Variants in TTC7A observed in about 807,000 individuals in gnomAD.
The protein encoded by TTC7A is tetratricopeptide repeat protein 7A.
A neutral mutation model predicts 103.7 loss-of-function variants in TTC7A; 110 were observed. The ratio of observed to expected loss-of-function variants is 1.06; its 90% confidence interval spans 0.91 to 1.24. The LOEUF is 1.24. Among genes scored for constraint, TTC7A ranks in the 50% most tolerant of loss-of-function variants. TTC7A has a pLI of 0.00. For missense variants in TTC7A, 1,340 were observed against 1,116.3 expected (o/e 1.20, Z -2.86); for synonymous variants, 521 against 467.9 (o/e 1.11, Z -1.47).
At chr2:46,974,439 G>A (rs935915669) in intron 3 of TTC7A, among the ~76,000 whole-genome samples, 3 of 152,210 alleles carry the variant, frequency 2.0e-5, no homozygotes, top group Non-Finnish European at 2.9e-5. Flanking sequence ...TTCCCTCTCA[G>A]TCACACTTTA....
intron 2 of TTC7A, among the ~76,000 whole-genome samples, chr2:46,922,166 T>A (rs1023800218): frequency 6.6e-6 from 1 of 152,106 alleles, no homozygotes; most frequent in Non-Finnish European, 1.5e-5. Flanking sequence ...TAGTTACTTA[T>A]AGATTCTGAT....
At chr2:47,053,135 T>C (rs1349351299) in intron 18 of TTC7A, among the ~76,000 whole-genome samples, 1 of 152,086 alleles carries the variant, frequency 6.6e-6, no homozygotes, top group Non-Finnish European at 1.5e-5. Context: ...ATGCAGAAAC[T>C]GTCCCAGTTA....
At chr2:46,995,025 T>G in intron 7 of TTC7A, 111 bp from the exon 8 acceptor site, 1 of 953,352 alleles carries the variant, frequency 1.0e-6, no homozygotes. Flanking sequence ...CAGGAAGAGG[T>G]CACCTTACCG....
At chr2:46,942,343 G>T (rs1360835965) in intron 1 of TTC7A, among the ~76,000 whole-genome samples, 2 of 152,102 alleles carry the variant, frequency 1.3e-5, no homozygotes, top group African/African-American at 2.4e-5. Context: ...CCCTGATGTG[G>T]CAGCGGGGAA....
At chr2:47,066,525 C>T (rs1033824316) in intron 19 of TTC7A, among the ~76,000 whole-genome samples, 1 of 152,136 alleles carries the variant, frequency 6.6e-6, no homozygotes, top group African/African-American at 2.4e-5. Flanking sequence ...CAGAGCTTCA[C>T]CCATCACCCC....
At chr2:47,069,943 C>T (rs2570515) in intron 19 of TTC7A, among the ~76,000 whole-genome samples, 107,571 of 151,880 alleles carry the variant, frequency 0.71, 38,573 homozygotes, top group East Asian at 0.87. Context: ...GGAATGTGCC[C>T]TGAGCTCAGA....
rs1442104443 is a variant in TTC7A at position 46,975,016 on chromosome 2, C to A, written c.561C>A (p.Phe187Leu). 6.2e-7 allele frequency: 1 copy of A among 1,614,002 alleles called. No homozygotes were observed. Among genetic ancestry groups the A allele is most frequent in the African/African-American group, 1.3e-5 (1 of 74,940 alleles). ...TACCCAACTCCATCGCCTCCCGCTT[C>A]CGCCTGACAGAGAGGGAGGAGGAAG... ...ERLPNSIASRFRLTEREEEVI... is the reference protein window; with the variant it reads ...ERLPNSIASRLRLTEREEEVI... Residue 187 changes from phenylalanine (F) to leucine (L), a missense_variant, in exon 4 of 20, where the codon TTC becomes TTA. Coordinates refer to ENST00000319190, the MANE Select transcript of TTC7A (RefSeq NM_020458.4).
At chr2:46,950,303 C>T (rs1025674129) in intron 1 of TTC7A, 60 bp from the exon 2 acceptor site, 92 of 1,595,276 alleles carry the variant, frequency 5.8e-5, no homozygotes, top group Non-Finnish European at 7.6e-5. Flanking sequence ...GAGTGTGCAA[C>T]TCCCTCCATT....
chr2:47,031,469 C>T (rs1008019812), intron 15 of TTC7A, among the ~76,000 whole-genome samples: 7 of 152,078 alleles, frequency 4.6e-5, no homozygotes, highest in African/African-American at 1.2e-4. Context: ...TAGGCTTCAT[C>T]GGAAACCGAA....
chr2:47,056,269 A>G (rs1417865822), intron 18 of TTC7A, among the ~76,000 whole-genome samples: 1 of 152,244 alleles, frequency 6.6e-6, no homozygotes, highest in East Asian at 1.9e-4. Flanking sequence ...TCTGATGCTT[A>G]TTTCCTTTGG....
intron 5 of TTC7A, among the ~76,000 whole-genome samples, chr2:46,979,790 T>C (rs1674255189): frequency 6.6e-6 from 1 of 152,236 alleles, no homozygotes; most frequent in African/African-American, 2.4e-5. Flanking sequence ...GTTTCCTGCC[T>C]GTCTCTGCAG....
chr2:47,050,158 ACCACT>A, intron 17 of TTC7A, 112 bp downstream of exon 17: 2 of 910,986 alleles, frequency 2.2e-6, no homozygotes, highest in Non-Finnish European at 3.5e-6. Flanking sequence ...GGCCAAGCCC[ACCACT>A]GGCTCCTTGC....
intron 14 of TTC7A, among the ~76,000 whole-genome samples, chr2:47,026,008 C>T (rs532612903): frequency 2.0e-5 from 3 of 152,314 alleles, no homozygotes; most frequent in South Asian, 2.1e-4. Flanking sequence ...GTTATTCATC[C>T]CTCTCTGATG....
At chr2:47,018,581 C>T (rs1471367493) in intron 11 of TTC7A, among the ~76,000 whole-genome samples, 4 of 107,750 alleles carry the variant, frequency 3.7e-5, no homozygotes, top group Non-Finnish European at 7.1e-5. Flanking sequence ...GAGACTCCAT[C>T]TCAAAAAAAA....
intron 19 of TTC7A, chr2:47,068,579 G>T (rs910775400): frequency 6.6e-6 from 1 of 152,022 alleles, no homozygotes; most frequent in Non-Finnish European, 1.5e-5. Context: ...TAGAGGAGAC[G>T]AAAGTAGAGG....
intron 15 of TTC7A, among the ~76,000 whole-genome samples, chr2:47,033,886 AG>A (rs1387460907): frequency 6.6e-6 from 1 of 152,188 alleles, no homozygotes; most frequent in African/African-American, 2.4e-5. Context: ...TGACAGAGGC[AG>A]GGAAGGAAGC....
intron 19 of TTC7A, among the ~76,000 whole-genome samples, chr2:47,063,814 C>T (rs1311047444): frequency 6.6e-6 from 1 of 152,206 alleles, no homozygotes; most frequent in East Asian, 1.9e-4. Flanking sequence ...GAGTCCCACT[C>T]CCTGAGGTCT....
intron 15 of TTC7A, among the ~76,000 whole-genome samples, chr2:47,043,485 A>G (rs1681986440): frequency 6.6e-6 from 1 of 152,146 alleles, no homozygotes; most frequent in Non-Finnish European, 1.5e-5. Flanking sequence ...GGAGCTGCTA[A>G]TACCCATGTG....
chr2:46,999,881 G>T, intron 8 of TTC7A: 1 of 985,446 alleles, frequency 1.0e-6, no homozygotes, highest in East Asian at 1.1e-4. Flanking sequence ...GGTGTTGAGA[G>T]TGGGGTGGAT....
Sources: allele counts gnomAD v4.1 joint callset (sites outside exome capture counted in the v4.1 genomes callset), GRCh38; gene constraint gnomAD v4.1.1; transcripts MANE v1.5; gene names NCBI Gene and HGNC (gene_info 2026-07-23, HGNC 2026-07-21).